Variants in ZNG1E observed in about 807,000 individuals in gnomAD.
The protein encoded by ZNG1E is Zn regulated GTPase metalloprotein activator 1E, also known as zinc-regulated GTPase metalloprotein activator 1E.
At chr9:65,671,469 G>T in the ZNG1E span, among the ~76,000 whole-genome samples, 2 of 151,906 alleles carry the variant, frequency 1.3e-5, no homozygotes, top group Admixed American at 6.6e-5. Flanking sequence ...ACAGGCGTGT[G>T]CCACCACACC....
chr9:65,722,697 A>ATTTTTTT, the ZNG1E span, among the ~76,000 whole-genome samples: 141 of 8,412 alleles, frequency 0.017, 31 homozygotes, highest in African/African-American at 0.019. Flanking sequence ...TGCCTAGCTA[A>ATTTTTTT]TTTTTTTTTT....
the ZNG1E span, among the ~76,000 whole-genome samples, chr9:65,661,822 G>C: frequency 6.6e-6 from 1 of 152,228 alleles, no homozygotes; most frequent in Non-Finnish European, 1.5e-5. Context: ...TCTAAAACTG[G>C]ATTGGGATGA....
chr9:65,660,269 G>A, the ZNG1E span, among the ~76,000 whole-genome samples: 1 of 125,074 alleles, frequency 8.0e-6, no homozygotes, highest in African/African-American at 3.8e-5. Context: ...GGAGATTTAA[G>A]CAACTTTTTA....
the ZNG1E span, among the ~76,000 whole-genome samples, chr9:65,709,650 A>C: frequency 7.3e-6 from 1 of 136,730 alleles, no homozygotes; most frequent in African/African-American, 2.9e-5. Context: ...ATGATTTCCA[A>C]TTTCATCCAT....
the ZNG1E span, chr9:65,719,341 C>T: frequency 6.6e-5 from 9 of 136,984 alleles, 1 homozygote; most frequent in Admixed American, 5.1e-4. Context: ...TAATTTACCC[C>T]TCACTGTTTT....
chr9:65,712,205 CT>C, the ZNG1E span, among the ~76,000 whole-genome samples: 1 of 135,232 alleles, frequency 7.4e-6, no homozygotes, highest in Non-Finnish European at 1.6e-5. Context: ...GTGATATCCC[CT>C]TTATCATTTT....
the ZNG1E span, among the ~76,000 whole-genome samples, chr9:65,679,811 C>G: frequency 1.3e-5 from 2 of 152,154 alleles, no homozygotes; most frequent in Admixed American, 6.6e-5. Flanking sequence ...CCTCGGCCTC[C>G]CAAAGTTGCT....
At chr9:65,664,787 T>TA in the ZNG1E span, among the ~76,000 whole-genome samples, 1 of 152,182 alleles carries the variant, frequency 6.6e-6, no homozygotes, top group Non-Finnish European at 1.5e-5. Flanking sequence ...AAAATGCTGA[T>TA]AGTGATATGG....
chr9:65,717,861 A>G, the ZNG1E span, among the ~76,000 whole-genome samples: 1 of 144,210 alleles, frequency 6.9e-6, no homozygotes, highest in Non-Finnish European at 1.5e-5. Context: ...CTAATTTTTT[A>G]TTTTGGTAGA....
chr9:65,716,411 G>A, the ZNG1E span, among the ~76,000 whole-genome samples: 3 of 151,674 alleles, frequency 2.0e-5, no homozygotes, highest in African/African-American at 7.3e-5. Flanking sequence ...TCATGCCTCA[G>A]CCTCCCAAAG....
At chr9:65,711,904 G>A in the ZNG1E span, among the ~76,000 whole-genome samples, 4 of 131,122 alleles carry the variant, frequency 3.1e-5, no homozygotes, top group Non-Finnish European at 6.2e-5. Context: ...TTTTTCTATT[G>A]ATTGGAATAG....
the ZNG1E span, among the ~76,000 whole-genome samples, chr9:65,714,378 G>C: frequency 6.6e-6 from 1 of 151,734 alleles, no homozygotes; most frequent in Non-Finnish European, 1.5e-5. Context: ...TCTCCGTCCA[G>C]CTTTGTTCTG....
At chr9:65,710,794 C>T in the ZNG1E span, among the ~76,000 whole-genome samples, 122 of 148,642 alleles carry the variant, frequency 8.2e-4, no homozygotes, top group Non-Finnish European at 1.3e-3. Context: ...AGTGTGATGC[C>T]TCCAGCTTTG....
chr9:65,661,055 C>G, the ZNG1E span, among the ~76,000 whole-genome samples: 195 of 146,674 alleles, frequency 1.3e-3, no homozygotes, highest in African/African-American at 4.8e-3. Context: ...CCATGTACTG[C>G]TAGATCTAAG....
chr9:65,710,712 A>G, the ZNG1E span, among the ~76,000 whole-genome samples: 4 of 149,870 alleles, frequency 2.7e-5, no homozygotes, highest in Non-Finnish European at 4.5e-5. Flanking sequence ...CCATTGATCT[A>G]TATCTCTGTT....
At chr9:65,716,298 G>A in the ZNG1E span, among the ~76,000 whole-genome samples, 2 of 107,796 alleles carry the variant, frequency 1.9e-5, no homozygotes, top group Non-Finnish European at 3.8e-5. Context: ...GGGACCACAG[G>A]CATGTGTCAC....
chr9:65,693,852 C>T, the ZNG1E span, among the ~76,000 whole-genome samples: 9 of 151,836 alleles, frequency 5.9e-5, no homozygotes, highest in Non-Finnish European at 1.0e-4. Flanking sequence ...CCACCACGCC[C>T]GGCCTGAACT....
the ZNG1E span, among the ~76,000 whole-genome samples, chr9:65,667,156 G>T: frequency 2.6e-5 from 4 of 152,242 alleles, no homozygotes; most frequent in South Asian, 4.1e-4. Flanking sequence ...GAATAGCTAA[G>T]CTATACTTTA....
At chr9:65,681,277 G>GA in the ZNG1E span, among the ~76,000 whole-genome samples, 1 of 150,170 alleles carries the variant, frequency 6.7e-6, no homozygotes, top group African/African-American at 2.4e-5. Context: ...CCCTGGACAA[G>GA]AAAAAAATGC....
Sources: allele counts gnomAD v4.1 joint callset (sites outside exome capture counted in the v4.1 genomes callset), GRCh38; gene constraint gnomAD v4.1.1; transcripts MANE v1.5; gene names NCBI Gene and HGNC (gene_info 2026-07-23, HGNC 2026-07-21).